IGF2: variants seen among roughly 807,000 people sequenced by gnomAD.
The protein encoded by IGF2 is insulin like growth factor 2, also known as insulin-like growth factor 2.
A neutral mutation model predicts 12.0 loss-of-function variants in IGF2; 2 were observed. That is an observed-to-expected ratio of 0.17 (90% CI 0.07 to 0.52). IGF2 has a LOEUF of 0.52. Ranked by LOEUF, IGF2 falls within the 20% of genes least tolerant of loss-of-function variation. The probability of loss-of-function intolerance (pLI) is 0.95; values close to 1 mark genes in which losing one functional copy is unlikely to be tolerated. For synonymous variants in IGF2, 105 were observed against 110.1 expected (o/e 0.95, Z 0.29); for missense variants, 211 against 268.0 (o/e 0.79, Z 1.48).
rs1858630419 is a variant in IGF2, at chr11:2,131,977, C to CTGTGCGTTTGTGTGCTGTGTGTGCAT, written c.*1009_*1010insATGCACACACAGCACACAAACGCACA. On this transcript the variant is annotated 3_prime_UTR_variant, in exon 4 of 4. Coordinates refer to ENST00000416167, the MANE Select transcript of IGF2 (RefSeq NM_000612.6). ...TGTGTGCTGTGTGTGCATGTGTGTGCGTGTGTGTGCTGTGCGTTTGTGTGT... is the reference window on the plus strand; with the variant it reads ...TGTGTGCTGTGTGTGCATGTGTGTGCTGTGCGTTTGTGTGCTGTGTGTGCATGTGTGTGTGCTGTGCGTTTGTGTGT... 1.0e-5 allele frequency: 1 copy of CTGTGCGTTTGTGTGCTGTGTGTGCAT among 96,784 alleles called. No homozygotes were observed. The highest frequency in any genetic ancestry group is 6.7e-5 in the African/African-American group (1 of 15,000). The allele number at this position is 96,784 out of a possible 1,614,324, so 6.0% of individuals were successfully genotyped here. A position where few individuals can be genotyped will look rare whatever the true frequency, so the allele number is the denominator to read the frequency against.
chr11:2,129,994 C>T lies in IGF2; in HGVS notation c.*2993G>A, dbSNP rs1212086720. 1 of 230,832 alleles carries T rather than the reference C, an allele frequency of 4.3e-6. No individual in the cohort carries two copies. The highest frequency in any genetic ancestry group is 8.6e-6 in the Non-Finnish European group (1 of 116,646). The allele number at this position is 230,832 out of a possible 1,614,324, so 14.3% of individuals were successfully genotyped here. The stretch of plus-strand genomic sequence containing the variant: ...CCGCCTGACCTCCCTACTCCCCGGC[C>T]TCACCCCACCTTGCCCCCAAGAGGT... On this transcript the variant is annotated 3_prime_UTR_variant, in exon 4 of 4. Transcript: ENST00000416167. This position sits in a 1 kb window ranked among gnomAD's most constrained non-coding sequence, Gnocchi z 8.1.
upstream of IGF2, chr11:2,140,112 G>T (rs770888137): frequency 1.7e-5 from 27 of 1,609,002 alleles, no homozygotes; most frequent in Non-Finnish European, 2.3e-5. Flanking sequence ...GGATCAGGGC[G>T]GGAAACACAG....
the IGF2 span, chr11:2,149,012 C>T: frequency 1.0e-6 from 1 of 983,890 alleles, no homozygotes; most frequent in Non-Finnish European, 1.6e-6. Flanking sequence ...AGAAGTTCTT[C>T]CCCTCCTTCA....
rs973915116 is a variant in IGF2 at position 2,138,877 on chromosome 11, G to A, written c.-655C>T. On this transcript the variant is annotated 5_prime_UTR_variant, in exon 1 of 4. Transcript: ENST00000416167. Reference sequence around the variant, plus strand: ...CCGGGGGAGGCGGTGACTGGGGGGCGGAGTGGAGGCTGCACCCGGACCGCG... The same window carrying A: ...CCGGGGGAGGCGGTGACTGGGGGGCAGAGTGGAGGCTGCACCCGGACCGCG... 14 of 982,478 alleles carry A rather than the reference G, an allele frequency of 1.4e-5. No homozygotes were observed. In the African/African-American group the frequency reaches 1.9e-4, roughly 14 times the overall value. 60.9% of individuals were successfully genotyped at this position (982,478 alleles called of 1,614,324 possible).
chr11:2,143,283 T>C (rs1425926970), upstream of IGF2, among the ~76,000 whole-genome samples: 2 of 148,812 alleles, frequency 1.3e-5, no homozygotes, highest in African/African-American at 5.0e-5. Context: ...GGAACCCAGG[T>C]TAGTGTGAAT....
chr11:2,149,431 C>A, the IGF2 span: 7 of 1,166,222 alleles, frequency 6.0e-6, no homozygotes, highest in African/African-American at 1.5e-5. Context: ...GAGCATGGCA[C>A]CTGCTCAAAT....
chr11:2,133,632 C>T lies in IGF2; in HGVS notation c.191G>A (p.Arg64His), dbSNP rs369844466. ...RPASRVSRRS[R>H]GIVEECCFRS... ...GAAACAGCACTCCTCAACGATGCCA[C>T]GGCTGCGACGGCTCACACGGCTTGC... The change falls in exon 3 of 4, where the codon CGT (arginine) becomes CAT (histidine). Residue 64 changes from arginine to histidine, a missense_variant. Coordinates refer to ENST00000416167, the MANE Select transcript of IGF2 (RefSeq NM_000612.6). This position sits in a 1 kb window ranked among gnomAD's most constrained non-coding sequence, Gnocchi z 8.9. The T allele has an allele frequency of 1.9e-5, 31 of 1,612,894 alleles. No individual in the cohort carries two copies. Among genetic ancestry groups the T allele is most frequent in the Middle Eastern group, 1.6e-4 (1 of 6,084 alleles).
chr11:2,144,919 G>A (rs1859826019), upstream of IGF2, among the ~76,000 whole-genome samples: 1 of 152,170 alleles, frequency 6.6e-6, no homozygotes, highest in South Asian at 2.1e-4. Context: ...GCCTGACACT[G>A]GGGAGGCAGA....
At chr11:2,146,977 C>T in the IGF2 span, 155 of 155,018 alleles carry the variant, frequency 1.0e-3, 1 homozygote, top group South Asian at 8.3e-3. Flanking sequence ...GGGATCCTGA[C>T]GCCGGAGCCC....
At chr11:2,140,106 C>A (rs1431146873), upstream of IGF2, 2 of 1,606,210 alleles carry the variant, frequency 1.2e-6, no homozygotes, top group South Asian at 1.1e-5. Flanking sequence ...GAGAGAGGAT[C>A]AGGGCGGGAA....
At chr11:2,140,280 G>C, upstream of IGF2, 1 of 1,612,598 alleles carries the variant, frequency 6.2e-7, no homozygotes, top group Non-Finnish European at 8.5e-7. Context: ...GATAATTTGG[G>C]GGTCTGGGGA....
chr11:2,136,834 C>T (rs766595852), intron 1 of IGF2, among the ~76,000 whole-genome samples: 5 of 152,250 alleles, frequency 3.3e-5, no homozygotes, highest in Non-Finnish European at 7.3e-5. Context: ...TAGCCCTCGC[C>T]GCGCTTCCGC....
chr11:2,140,048 C>A (rs1396522766), upstream of IGF2: 12 of 1,349,746 alleles, frequency 8.9e-6, no homozygotes, highest in East Asian at 2.7e-4. Context: ...CTGCGCCGGG[C>A]CGAATCTGGG....
At chr11:2,140,938 G>A, upstream of IGF2, 2 of 346,446 alleles carry the variant, frequency 5.8e-6, no homozygotes, top group South Asian at 2.1e-5. Flanking sequence ...GGCGGTGGAC[G>A]CTGCTGAAGG....
chr11:2,148,642 T>C, the IGF2 span: 3 of 169,332 alleles, frequency 1.8e-5, no homozygotes, highest in Admixed American at 5.6e-5. The surrounding 1 kb of genome is among the most constrained non-coding windows in gnomAD (Gnocchi z 4.3). Context: ...TGTATATATG[T>C]ATAAATAAAA....
At chr11:2,142,523 G>T (rs1468210825), upstream of IGF2, among the ~76,000 whole-genome samples, 1 of 152,210 alleles carries the variant, frequency 6.6e-6, no homozygotes, top group Non-Finnish European at 1.5e-5. This position sits in a 1 kb window ranked among gnomAD's most constrained non-coding sequence, Gnocchi z 5.7. Context: ...AGAAATCAGT[G>T]CTGTCCTGTG....
In IGF2 at chr11:2,129,720, G is replaced by T. The variant is rs1017221179; in HGVS notation, c.*3267C>A. 1 of 231,970 alleles carries T rather than the reference G, an allele frequency of 4.3e-6. No homozygotes were observed. Among genetic ancestry groups the T allele is most frequent in the Non-Finnish European group, 8.5e-6 (1 of 117,096 alleles). The allele number at this position is 231,970 out of a possible 1,614,324, so 14.4% of individuals were successfully genotyped here. A position where few individuals can be genotyped will look rare whatever the true frequency, so the allele number is the denominator to read the frequency against. On this transcript the variant is annotated 3_prime_UTR_variant, in exon 4 of 4. Transcript: ENST00000416167. This position sits in a 1 kb window ranked among gnomAD's most constrained non-coding sequence, Gnocchi z 8.1. ...CGGACTGGCATGGACGACCCCCGGG[G>T]TCATGCCAGCCCCGTCACCAGGACC...
At chr11:2,139,399 G>T (rs1451042584), upstream of IGF2, 1 of 148,242 alleles carries the variant, frequency 6.7e-6, no homozygotes, top group Non-Finnish European at 1.5e-5. Context: ...CGAACTGCGG[G>T]CGCCCACGCC....
intron 2 of IGF2, among the ~76,000 whole-genome samples, chr11:2,134,862 G>A (rs1459775964): frequency 6.6e-6 from 1 of 152,206 alleles, no homozygotes; most frequent in East Asian, 1.9e-4. Context: ...GGGGCCCAAG[G>A]AGGCGCATGC....
Sources: gnomAD v4.1 joint callset for allele counts (sites outside exome capture counted in the v4.1 genomes callset) on GRCh38, gnomAD v4.1.1 for gene constraint, Gnocchi (gnomAD v3.1) non-coding constraint, MANE v1.5 for transcripts, NCBI Gene and HGNC (gene_info 2026-07-23, HGNC 2026-07-21) for gene names.